The following OR4D10 variants were observed in gnomAD, a reference collection of about 807,000 sequenced individuals.
OR4D10 encodes olfactory receptor 4D10.
For missense variants in OR4D10, 395 were observed against 378.0 expected, an observed-to-expected ratio of 1.04 and a Z score of -0.37; for synonymous variants, 188 against 153.2, an observed-to-expected ratio of 1.23 and a Z score of -1.68.
intron 2 of OR4D10, among the ~76,000 whole-genome samples, chr11:59,474,956 G>C (rs927939689): frequency 1.3e-4 from 20 of 150,656 alleles, no homozygotes; most frequent in African/African-American, 4.6e-4. Flanking sequence ...AGGTACTAGG[G>C]AGGCTGAGGC....
chr11:59,478,018 C>A lies in OR4D10; in HGVS notation c.589C>A (p.Leu197Ile), dbSNP rs772777207. 6.2e-7 allele frequency: 1 copy of A among 1,614,152 alleles called. No homozygotes were observed. The highest frequency in any genetic ancestry group is 1.7e-5 in the Admixed American group (1 of 60,024). The part of the protein sequence containing the change: ...LAHTDIFILE[L>I]LMISNNGLLT... ...CCATACAGACATTTTCATACTTGAA[C>A]TACTAATGATTTCCAACAATGGACT... is the stretch of plus-strand genomic sequence containing the variant. The change falls in exon 3 of 3, where the codon CTA (leucine) becomes ATA (isoleucine). Residue 197 changes from leucine to isoleucine, a missense_variant. Coordinates refer to ENST00000530162, the MANE Select transcript of OR4D10 (RefSeq NM_001004705.2).
chr11:59,474,458 G>T (rs964009618), intron 2 of OR4D10, among the ~76,000 whole-genome samples: 2 of 152,264 alleles, frequency 1.3e-5, no homozygotes, highest in South Asian at 4.2e-4. Flanking sequence ...TATGTATAAG[G>T]TGGCGTGAAT....
At chr11:59,476,722 A>T (rs959926849) in intron 2 of OR4D10, among the ~76,000 whole-genome samples, 1 of 152,108 alleles carries the variant, frequency 6.6e-6, no homozygotes, top group African/African-American at 2.4e-5. Context: ...TCAGAGCCCC[A>T]GTCATTCAGC....
In OR4D10 at chr11:59,478,172, C is replaced by T. The variant is rs1858931074; in HGVS notation, c.743C>T (p.Thr248Ile). The T allele has an allele frequency of 6.2e-7, 1 of 1,613,954 alleles. No homozygotes were observed. Among genetic ancestry groups the T allele is most frequent in the Admixed American group, 1.7e-5 (1 of 59,990 alleles). Reference protein sequence around the residue: ...STCTSHITVVTLHFVPCIYVY... With the variant: ...STCTSHITVVILHFVPCIYVY... ...TGCACCTCCCACATCACTGTGGTGA[C>T]CCTGCATTTCGTGCCCTGCATCTAT... The change falls in exon 3 of 3, where the codon ACC becomes ATC. Residue 248 changes from threonine to isoleucine, a missense_variant. By Grantham distance (89) the Thr-to-Ile change is moderately conservative. Transcript: ENST00000530162.
At chr11:59,474,110 C>T (rs970878524) in intron 2 of OR4D10, among the ~76,000 whole-genome samples, 1 of 152,196 alleles carries the variant, frequency 6.6e-6, no homozygotes, top group South Asian at 2.1e-4. Flanking sequence ...TCTTTCTTCA[C>T]CCAACAAAGA....
At chr11:59,474,065 T>A (rs1446654664) in intron 2 of OR4D10, among the ~76,000 whole-genome samples, 5 of 152,252 alleles carry the variant, frequency 3.3e-5, no homozygotes, top group Admixed American at 3.3e-4. Flanking sequence ...ATATTGTGTC[T>A]TCCATACTGT....
chr11:59,475,371 G>A (rs1035186483), intron 2 of OR4D10, among the ~76,000 whole-genome samples: 4 of 152,070 alleles, frequency 2.6e-5, no homozygotes, highest in East Asian at 1.9e-4. Flanking sequence ...GACGTTTTAC[G>A]GGCTGTTTCC....
Position 59,477,314 on chromosome 11 carries a change from A to G in OR4D10, c.-116A>G, listed in dbSNP as rs1204357434. On this transcript the variant is annotated 5_prime_UTR_variant, in exon 3 of 3. Coordinates refer to ENST00000530162, the MANE Select transcript of OR4D10 (RefSeq NM_001004705.2). ...AATGCAACAAACTGCAAAAACTACA[A>G]CCGCATGGGAAGTTTCTGCACTGCA... The G allele has an allele frequency of 1.5e-6, 1 of 683,008 alleles. No homozygotes were observed. The highest frequency in any genetic ancestry group is 2.3e-6 in the Non-Finnish European group (1 of 428,788). The allele number at this position is 683,008 out of a possible 1,614,324, so 42.3% of individuals were successfully genotyped here.
chr11:59,478,434 T>G lies in OR4D10; in HGVS notation c.*69T>G. On this transcript the variant is annotated 3_prime_UTR_variant, in exon 3 of 3. Coordinates refer to ENST00000530162, the MANE Select transcript of OR4D10 (RefSeq NM_001004705.2). ...TTATTATTTTTCCCATGAAGTCATA[T>G]TCATATATTCAAATATATTGTCAAA... 1 of 1,112,364 alleles carries G rather than the reference T, an allele frequency of 9.0e-7. No homozygotes were observed. The highest frequency in any genetic ancestry group is 1.8e-5 in the South Asian group (1 of 56,440). The allele number at this position is 1,112,364 out of a possible 1,614,324, so 68.9% of individuals were successfully genotyped here.
chr11:59,478,428 G>T lies in OR4D10; in HGVS notation c.*63G>T. 8.5e-7 allele frequency: 1 copy of T among 1,180,604 alleles called. No individual in the cohort carries two copies. The highest frequency in any genetic ancestry group is 1.2e-6 in the Non-Finnish European group (1 of 865,326). 73.1% of individuals were successfully genotyped at this position (1,180,604 alleles called of 1,614,324 possible). A position where few individuals can be genotyped will look rare whatever the true frequency, so the allele number is the denominator to read the frequency against. On this transcript the variant is annotated 3_prime_UTR_variant, in exon 3 of 3. Transcript: ENST00000530162. ...TTATATTTATTATTTTTCCCATGAA[G>T]TCATATTCATATATTCAAATATATT...
chr11:59,476,476 G>A (rs749307262), intron 2 of OR4D10, among the ~76,000 whole-genome samples: 7 of 152,228 alleles, frequency 4.6e-5, no homozygotes, highest in African/African-American at 7.2e-5. Flanking sequence ...GACTTCCGGG[G>A]CTCAAGTGAT....
Position 59,477,654 on chromosome 11 carries a change from C to A in OR4D10, c.225C>A (p.Ser75=). The A allele has an allele frequency of 6.2e-7, 1 of 1,614,136 alleles. No individual in the cohort carries two copies. Residue 75 remains serine, a synonymous_variant, in exon 3 of 3, where the codon TCC becomes TCA. Transcript: ENST00000530162. ...NLSIADICFS[S]ITVPKVLVDL... ...CTATTGCCGATATCTGCTTCTCTTC[C>A]ATCACAGTGCCCAAGGTTCTGGTGG... is the stretch of plus-strand genomic sequence containing the variant.
chr11:59,474,810 A>G (rs1050200237), intron 2 of OR4D10, among the ~76,000 whole-genome samples: 3 of 152,046 alleles, frequency 2.0e-5, no homozygotes, highest in Admixed American at 6.5e-5. Flanking sequence ...TAATCTCAGC[A>G]CTTTGGGAGG....
chr11:59,474,274 T>C (rs10501379), intron 2 of OR4D10, among the ~76,000 whole-genome samples: 140,815 of 152,244 alleles, frequency 0.92, 65,678 homozygotes, highest in Non-Finnish European at 0.99. Flanking sequence ...ATCATATCTC[T>C]TACCACAGGT....
chr11:59,475,057 T>C (rs1325530382), intron 2 of OR4D10, among the ~76,000 whole-genome samples: 2 of 3,826 alleles, frequency 5.2e-4, no homozygotes, highest in Non-Finnish European at 6.0e-3. Context: ...TGAGACTCTG[T>C]CTCAAAAAAA....
chr11:59,478,038 T>C lies in OR4D10; in HGVS notation c.609T>C (p.Asn203=). 6.2e-7 allele frequency: 1 copy of C among 1,614,156 alleles called. No individual in the cohort carries two copies. Among genetic ancestry groups the C allele is most frequent in the South Asian group, 1.1e-5 (1 of 91,070 alleles). ...TTGAACTACTAATGATTTCCAACAA[T>C]GGACTGCTCACCACACTGTGGTTTT... ...FILELLMISN[N]GLLTTLWFFL... The change falls in exon 3 of 3, where the codon AAT becomes AAC. Residue 203 remains asparagine, a synonymous_variant. Coordinates refer to ENST00000530162, the MANE Select transcript of OR4D10 (RefSeq NM_001004705.2).
In OR4D10 at chr11:59,477,990, G is replaced by C. The variant is rs1380429133; in HGVS notation, c.561G>C (p.Leu187=). 3.7e-6 allele frequency: 6 copies of C among 1,614,016 alleles called. No homozygotes were observed. Among genetic ancestry groups the C allele is most frequent in the Non-Finnish European group, 5.1e-6 (6 of 1,180,006 alleles). ...FYCDVHRVLK[L]AHTDIFILEL... ...GTGATGTCCACCGGGTCCTCAAACT[G>C]GCCCATACAGACATTTTCATACTTG... The change falls in exon 3 of 3, where the codon CTG becomes CTC. Residue 187 remains leucine (L), a synonymous_variant. Transcript: ENST00000530162.
intron 2 of OR4D10, among the ~76,000 whole-genome samples, chr11:59,476,134 A>G (rs1858904003): frequency 6.6e-6 from 1 of 152,160 alleles, no homozygotes; most frequent in Non-Finnish European, 1.5e-5. Context: ...TTTTTAAGAA[A>G]TCTTCTTTAT....
rs746583891 is a variant in OR4D10 at position 59,478,280 on chromosome 11, C to T, written c.851C>T (p.Pro284Leu). ...ACTGTCATCTCCCCTCTGCTCAACCCCTTGATCTACACTCTGAGGAACCAT... is the reference window on the plus strand; with the variant it reads ...ACTGTCATCTCCCCTCTGCTCAACCTCTTGATCTACACTCTGAGGAACCAT... ...TFTVISPLLN[P>L]LIYTLRNHEM... The change falls in exon 3 of 3, where the codon CCC becomes CTC. Residue 284 changes from proline (P) to leucine (L), a missense_variant. Pro to Leu is a moderately conservative substitution (Grantham distance 98). Transcript: ENST00000530162. 17 of 1,609,936 alleles carry T rather than the reference C, an allele frequency of 1.1e-5. No homozygotes were observed. Among genetic ancestry groups the T allele is most frequent in the Non-Finnish European group, 1.4e-5 (17 of 1,178,646 alleles).
Sources: allele counts gnomAD v4.1 joint callset (sites outside exome capture counted in the v4.1 genomes callset), GRCh38; gene constraint gnomAD v4.1.1; transcripts MANE v1.5; gene names NCBI Gene and HGNC (gene_info 2026-07-23, HGNC 2026-07-21).